Variants in C8orf34 observed in about 807,000 individuals in gnomAD.
C8orf34 encodes the protein chromosome 8 open reading frame 34, also known as uncharacterized protein C8orf34.
In C8orf34, 65 loss-of-function variants were observed where a neutral mutation model predicts 68.3. The observed-to-expected ratio is 0.95, with a 90% CI of 0.78 to 1.17. C8orf34 has a LOEUF of 1.17. Ranked by LOEUF, C8orf34 falls within the 50% of genes most tolerant of loss-of-function variation. The pLI, the probability that C8orf34 is intolerant of heterozygous loss-of-function variation, is 0.00. For synonymous variants in C8orf34, 244 were observed against 241.2 expected (o/e 1.01, Z -0.11); for missense variants, 664 against 655.4 (o/e 1.01, Z -0.14).
chr8:68,771,251 A>G (rs1823327049), intron 10 of C8orf34, among the ~76,000 whole-genome samples: 1 of 152,194 alleles, frequency 6.6e-6, no homozygotes, highest in African/African-American at 2.4e-5. Context: ...GGGATAAATC[A>G]CTGCCTGTTC....
At chr8:68,579,741 G>A (rs1817006405) in intron 7 of C8orf34, among the ~76,000 whole-genome samples, 1 of 152,066 alleles carries the variant, frequency 6.6e-6, no homozygotes, top group Non-Finnish European at 1.5e-5. Flanking sequence ...TCTAAGGGAG[G>A]GTAACAGAAT....
At chr8:68,461,300 C>A (rs139032982) in intron 3 of C8orf34, among the ~76,000 whole-genome samples, 72 of 152,156 alleles carry the variant, frequency 4.7e-4, no homozygotes, top group African/African-American at 1.5e-3. Context: ...GTGAAAAGAC[C>A]AAATCTACAT....
In C8orf34 at chr8:68,701,215, C is replaced by T. The variant is rs117353589; in HGVS notation, c.1242-7779C>T. Among the ~76,000 whole-genome samples the T allele has an allele frequency of 6.0e-3, 911 of 152,122 alleles. 8 individuals are homozygous for T. The highest frequency in any genetic ancestry group is 0.023 in the South Asian group (110 of 4,824). ...TCCCCACCACTTCAAACAGCCTGTT[C>T]GATATCTTCACACAGATTTCCACCT... is the stretch of plus-strand genomic sequence containing the variant. On this transcript the variant is annotated intron_variant, in intron 8 of 13. Coordinates refer to ENST00000518698, the MANE Select transcript of C8orf34 (RefSeq NM_052958.4).
At chr8:68,813,220 G>A (rs1824707248) in intron 12 of C8orf34, among the ~76,000 whole-genome samples, 1 of 152,108 alleles carries the variant, frequency 6.6e-6, no homozygotes. Context: ...ATTCCCACAA[G>A]TATAGGAAAT....
chr8:68,765,346 G>A lies in C8orf34; in HGVS notation c.1405-11053G>A, dbSNP rs115134559. Among the ~76,000 whole-genome samples, 441 of 152,274 alleles carry A rather than the reference G, an allele frequency of 2.9e-3. 3 individuals are homozygous for A. Among genetic ancestry groups the A allele is most frequent in the African/African-American group, 0.01 (427 of 41,546 alleles). ...AAAGCCTGTCCTCTTACTTTTCTAG[G>A]TAACACCTTTGCACCTTCTGACAGT... is the stretch of plus-strand genomic sequence containing the variant. On this transcript the variant is annotated intron_variant, in intron 10 of 13. Coordinates refer to ENST00000518698, the MANE Select transcript of C8orf34 (RefSeq NM_052958.4).
intron 8 of C8orf34, among the ~76,000 whole-genome samples, 173 bp from the exon 9 acceptor site, chr8:68,708,821 G>C (rs1391208163): frequency 6.6e-6 from 1 of 152,148 alleles, no homozygotes; most frequent in African/African-American, 2.4e-5. Flanking sequence ...TTAATGGTTA[G>C]AACAGCAAAA....
In C8orf34 at chr8:68,626,015, C is replaced by G. The variant is rs532411833; in HGVS notation, c.1106-14361C>G. ...GAATGTTGCTTGATGCATTGAAAAT[C>G]TCAATATTAATAACACAAAGTTCAA... is the stretch of plus-strand genomic sequence containing the variant. On this transcript the variant is annotated intron_variant, in intron 7 of 13. Transcript: ENST00000518698. 5.9e-5 allele frequency among the ~76,000 whole-genome samples: 9 copies of G among 152,212 alleles called. No individual in the cohort carries two copies. The South Asian group carries it at 8.3e-4, about 14-fold the overall frequency.
At position 68,692,240 on chromosome 8, in the gene C8orf34, G is replaced by A. The variant is rs867970169; in HGVS notation, c.1242-16754G>A. 4.3e-4 allele frequency among the ~76,000 whole-genome samples: 65 copies of A among 152,176 alleles called. 1 individual carries two copies. Among genetic ancestry groups the A allele is most frequent in the Admixed American group, 2.1e-3 (32 of 15,244 alleles). ...GAAGATTTTCTTGGACACGTATACC[G>A]TCTTGTGTGAATGAATAGGAGATAG... is the stretch of plus-strand genomic sequence containing the variant. On this transcript the variant is annotated intron_variant, in intron 8 of 13. Transcript: ENST00000518698.
intron 3 of C8orf34, among the ~76,000 whole-genome samples, chr8:68,452,514 G>T (rs1415449883): frequency 6.6e-6 from 1 of 150,876 alleles, no homozygotes; most frequent in Non-Finnish European, 1.5e-5. Flanking sequence ...TTCCCTAAAG[G>T]TTAATAGTTT....
intron 1 of C8orf34, among the ~76,000 whole-genome samples, chr8:68,343,624 C>T (rs916690407): frequency 6.7e-5 from 10 of 148,784 alleles, no homozygotes; most frequent in East Asian, 4.0e-4. Context: ...GACAGAGTCT[C>T]GCTCTGCCGC....
chr8:68,788,535 A>G (rs1451039271), intron 12 of C8orf34, among the ~76,000 whole-genome samples: 1 of 152,196 alleles, frequency 6.6e-6, no homozygotes, highest in East Asian at 1.9e-4. Flanking sequence ...TATAGATTCT[A>G]TTGAAGGAAA....
chr8:68,816,139 T>C (rs1294721202), intron 13 of C8orf34, among the ~76,000 whole-genome samples, 194 bp downstream of exon 13: 3 of 54,972 alleles, frequency 5.5e-5, no homozygotes, highest in Middle Eastern at 0.01. Context: ...TGTGTTTCTC[T>C]GTGTGTGTGT....
At chr8:68,782,731 C>G (rs891210250) in intron 11 of C8orf34, among the ~76,000 whole-genome samples, 4 of 152,080 alleles carry the variant, frequency 2.6e-5, no homozygotes, top group African/African-American at 9.7e-5. Flanking sequence ...GCTGCTTGTG[C>G]TAAAAATCTT....
intron 1 of C8orf34, among the ~76,000 whole-genome samples, chr8:68,424,024 T>C (rs996858122): frequency 6.6e-6 from 1 of 152,080 alleles, no homozygotes; most frequent in Non-Finnish European, 1.5e-5. Context: ...AAGGTGAGAT[T>C]TGGGTGGGGA....
chr8:68,679,026 C>G (rs1820282594), intron 8 of C8orf34, among the ~76,000 whole-genome samples: 1 of 152,072 alleles, frequency 6.6e-6, no homozygotes, highest in Non-Finnish European at 1.5e-5. Context: ...ATAGGCCAGG[C>G]ACGGTGGCTC....
intron 7 of C8orf34, among the ~76,000 whole-genome samples, chr8:68,551,959 A>G (rs1353601000): frequency 6.6e-6 from 1 of 152,144 alleles, no homozygotes; most frequent in African/African-American, 2.4e-5. Flanking sequence ...GGAGTCCCAC[A>G]TGCAAAACAC....
At chr8:68,676,152 GGT>G (rs1820183316) in intron 8 of C8orf34, among the ~76,000 whole-genome samples, 1 of 152,078 alleles carries the variant, frequency 6.6e-6, no homozygotes, top group Non-Finnish European at 1.5e-5. Context: ...TGGGCAACAT[GGT>G]GAAACCCCAT....
At chr8:68,735,410 T>C (rs919446934) in intron 10 of C8orf34, among the ~76,000 whole-genome samples, 2 of 152,248 alleles carry the variant, frequency 1.3e-5, no homozygotes, top group African/African-American at 4.8e-5. Flanking sequence ...AGCTGCATCA[T>C]GTGAATGTTT....
chr8:68,756,301 C>G (rs1822859172), intron 10 of C8orf34, among the ~76,000 whole-genome samples: 1 of 152,128 alleles, frequency 6.6e-6, no homozygotes, highest in Admixed American at 6.5e-5. Flanking sequence ...TGCTATAGAT[C>G]ACTTACACAG....
Sources: allele counts gnomAD v4.1 joint callset (sites outside exome capture counted in the v4.1 genomes callset), GRCh38; gene constraint gnomAD v4.1.1; transcripts MANE v1.5; gene names NCBI Gene and HGNC (gene_info 2026-07-23, HGNC 2026-07-21).